LRIF1: variants seen among roughly 807,000 people sequenced by gnomAD.
LRIF1 encodes the protein ligand-dependent nuclear receptor-interacting factor 1.
LRIF1 carries 32 observed loss-of-function variants against 52.7 expected under a neutral mutation model. The observed-to-expected ratio is 0.61, with a 90% CI of 0.46 to 0.82. The LOEUF is 0.82. Ranked by LOEUF, LRIF1 falls within the 40% of genes least tolerant of loss-of-function variation. The probability of loss-of-function intolerance (pLI) is 0.00; values close to 1 mark genes in which losing one functional copy is unlikely to be tolerated. For missense variants in LRIF1, 887 were observed against 892.0 expected, an observed-to-expected ratio of 0.99 and a Z score of 0.07; for synonymous variants, 323 against 317.4, an observed-to-expected ratio of 1.02 and a Z score of -0.19.
chr1:110,915,877 C>T, the LRIF1 span, among the ~76,000 whole-genome samples: 2 of 152,252 alleles, frequency 1.3e-5, no homozygotes, highest in African/African-American at 2.4e-5. Flanking sequence ...TAAAAAGCAA[C>T]AGATTGTCAA....
chr1:110,962,336 C>T (rs1658996336), intron 1 of LRIF1, among the ~76,000 whole-genome samples: 1 of 151,998 alleles, frequency 6.6e-6, no homozygotes, highest in African/African-American at 2.4e-5. Flanking sequence ...CACAAGTACA[C>T]CAAAAAATGG....
rs942283704 is a variant in LRIF1, at chr1:110,963,190, CCTTT to C, written c.68+427_68+430del. ...AAGCCCTTTTTCTTCAATCACACAC[CCTTT>C]CTGTCTCACTATTAAAATCTATTTT... On this transcript the variant is annotated intron_variant, in intron 1 of 3. Transcript: ENST00000369763. The C allele has an allele frequency of 5.2e-5, 8 of 153,352 alleles. No individual in the cohort carries two copies. The South Asian group carries it at 1.2e-3, about 23-fold the overall frequency. 9.5% of individuals were successfully genotyped at this position (153,352 alleles called of 1,614,324 possible). A position where few individuals can be genotyped will look rare whatever the true frequency, so the allele number is the denominator to read the frequency against.
chr1:110,929,550 G>A, the LRIF1 span, among the ~76,000 whole-genome samples: 12 of 152,070 alleles, frequency 7.9e-5, no homozygotes, highest in East Asian at 2.3e-3. Context: ...CTTGTGGCCC[G>A]CATGTATGTC....
chr1:110,875,281 C>T, the LRIF1 span, among the ~76,000 whole-genome samples: 1 of 152,136 alleles, frequency 6.6e-6, no homozygotes, highest in Non-Finnish European at 1.5e-5. Flanking sequence ...AGCCCTTTCT[C>T]CTACTTGGCA....
the LRIF1 span, among the ~76,000 whole-genome samples, chr1:110,903,436 G>A: frequency 6.6e-6 from 1 of 152,190 alleles, no homozygotes; most frequent in African/African-American, 2.4e-5. Context: ...TACCAGGTCA[G>A]CCACAGCAGA....
chr1:110,887,356 GC>G, the LRIF1 span, among the ~76,000 whole-genome samples: 2 of 152,112 alleles, frequency 1.3e-5, no homozygotes, highest in African/African-American at 4.8e-5. Flanking sequence ...GAGCCACCGC[GC>G]CCAGCCTATT....
the LRIF1 span, chr1:110,940,414 A>G: frequency 6.6e-6 from 1 of 152,176 alleles, no homozygotes; most frequent in South Asian, 2.1e-4. Flanking sequence ...TATTGAGAAC[A>G]GTTTGGAGGT....
chr1:110,952,613 C>T lies in LRIF1; in HGVS notation c.271G>A (p.Ala91Thr). The T allele has an allele frequency of 6.2e-7, 1 of 1,613,976 alleles. No individual in the cohort carries two copies. Among genetic ancestry groups the T allele is most frequent in the South Asian group, 1.1e-5 (1 of 91,070 alleles). The change falls in exon 2 of 4, where the codon GCA becomes ACA. Residue 91 changes from alanine to threonine, a missense_variant. Ala to Thr is a moderately conservative substitution (Grantham distance 58). Coordinates refer to ENST00000369763, the MANE Select transcript of LRIF1 (RefSeq NM_018372.4). The stretch of plus-strand genomic sequence containing the variant: ...TGAAAAATGGGCAATTGAACTGATG[C>T]ACTTGTGGAAGAGCTGGAAATCTGA... Reference protein sequence around the residue: ...QTQISSSSTSASVQLPIFQPA... With the variant: ...QTQISSSSTSTSVQLPIFQPA...
chr1:110,914,031 T>C, the LRIF1 span, among the ~76,000 whole-genome samples: 6 of 152,200 alleles, frequency 3.9e-5, no homozygotes, highest in Non-Finnish European at 7.3e-5. Context: ...CTAAGCAGAC[T>C]TGCTTAGGAT....
chr1:110,920,818 C>A, the LRIF1 span, among the ~76,000 whole-genome samples: 4 of 152,256 alleles, frequency 2.6e-5, no homozygotes, highest in African/African-American at 9.6e-5. Flanking sequence ...ACTTTCCACT[C>A]CGTTTTGCTG....
chr1:110,951,809 T>C lies in LRIF1; in HGVS notation c.1075A>G (p.Met359Val), dbSNP rs1460688999. The C allele has an allele frequency of 3.1e-6, 5 of 1,612,434 alleles. No homozygotes were observed. Among genetic ancestry groups the C allele is most frequent in the African/African-American group, 1.3e-5 (1 of 74,918 alleles). The change falls in exon 2 of 4, where the codon ATG (methionine) becomes GTG (valine). Residue 359 changes from methionine to valine, a missense_variant. By Grantham distance (21) the Met-to-Val change is conservative. Coordinates refer to ENST00000369763, the MANE Select transcript of LRIF1 (RefSeq NM_018372.4). ...NMPIKDNALVMFNGKVYLLAK... is the reference protein window; with the variant it reads ...NMPIKDNALVVFNGKVYLLAK... ...AACAGATAGACTTTCCCATTAAACA[T>C]AACCAAAGCATTATCTTTAATAGGC...
At chr1:110,895,077 T>C in the LRIF1 span, 56 of 1,538,860 alleles carry the variant, frequency 3.6e-5, no homozygotes, top group Non-Finnish European at 4.4e-5. Flanking sequence ...TGGAATCCTC[T>C]TCAGATCAGC....
At chr1:110,959,724 G>A (rs200841036) in intron 1 of LRIF1, among the ~76,000 whole-genome samples, 3 of 124,344 alleles carry the variant, frequency 2.4e-5, no homozygotes, top group African/African-American at 6.3e-5. Context: ...GCGACAGAGC[G>A]AGACTCCATC....
the LRIF1 span, among the ~76,000 whole-genome samples, chr1:110,930,324 G>A: frequency 1.3e-5 from 2 of 152,136 alleles, no homozygotes; most frequent in Non-Finnish European, 2.9e-5. Flanking sequence ...GTCTGCTCAA[G>A]CTACCATAAC....
intron 1 of LRIF1, among the ~76,000 whole-genome samples, chr1:110,961,902 T>C (rs1034810728): frequency 1.3e-5 from 2 of 152,110 alleles, no homozygotes; most frequent in African/African-American, 4.8e-5. Context: ...AAATATATGA[T>C]GTAAAACCTC....
chr1:110,940,698 GGTT>G, the LRIF1 span: 3 of 152,090 alleles, frequency 2.0e-5, no homozygotes, highest in African/African-American at 4.8e-5. Context: ...TGGAACTGGA[GGTT>G]ATTATGTTAA....
chr1:110,926,852 G>A, the LRIF1 span, among the ~76,000 whole-genome samples: 5 of 152,144 alleles, frequency 3.3e-5, no homozygotes, highest in Non-Finnish European at 2.9e-5. Flanking sequence ...GGGTATCTGC[G>A]AAGATTTATG....
At position 110,963,733 on chromosome 1, in the gene LRIF1, CG is replaced by C; in HGVS notation, c.-46del. On this transcript the variant is annotated 5_prime_UTR_variant, in exon 1 of 4. Transcript: ENST00000369763. ...ACACCTCATCCAGAAAAGTGGGAAG[CG>C]TGGGGCCGAGTTTCCCAATGGGGCG... The C allele has an allele frequency of 1.3e-6, 2 of 1,503,258 alleles. No homozygotes were observed. Among genetic ancestry groups the C allele is most frequent in the Non-Finnish European group, 1.8e-6 (2 of 1,092,220 alleles). 93.1% of individuals were successfully genotyped at this position (1,503,258 alleles called of 1,614,324 possible). A position where few individuals can be genotyped will look rare whatever the true frequency, so the allele number is the denominator to read the frequency against.
chr1:110,941,929 A>G, the LRIF1 span: 1 of 151,924 alleles, frequency 6.6e-6, no homozygotes, highest in Admixed American at 6.5e-5. Flanking sequence ...GCAGATAACT[A>G]TTTACTTTCT....
Sources: allele counts gnomAD v4.1 joint callset (sites outside exome capture counted in the v4.1 genomes callset), GRCh38; gene constraint gnomAD v4.1.1; transcripts MANE v1.5; gene names NCBI Gene and HGNC (gene_info 2026-07-23, HGNC 2026-07-21).